Variants in GABRB3 observed in about 807,000 individuals in gnomAD.
The protein encoded by GABRB3 is gamma-aminobutyric acid type A receptor subunit beta3.
In GABRB3, 14 loss-of-function variants were observed where a neutral mutation model predicts 52.1. The observed-to-expected ratio is 0.27, with a 90% CI of 0.18 to 0.42. The LOEUF (loss-of-function observed/expected upper bound fraction) is 0.42. Ranked by LOEUF, GABRB3 falls within the 10% of genes least tolerant of loss-of-function variation. The pLI, the probability that GABRB3 is intolerant of heterozygous loss-of-function variation, is 1.00. For synonymous variants in GABRB3, 260 were observed against 232.3 expected (o/e 1.12, Z -1.08); for missense variants, 307 against 609.1 (o/e 0.50, Z 5.22).
At chr15:26,570,709 C>T (rs974417885) in intron 6 of GABRB3, among the ~76,000 whole-genome samples, 119 of 152,306 alleles carry the variant, frequency 7.8e-4, no homozygotes, top group African/African-American at 2.8e-3. Context: ...GAAGATGCGT[C>T]TTTCCTTATC....
At chr15:26,654,014 A>G (rs1887283797) in intron 3 of GABRB3, among the ~76,000 whole-genome samples, 1 of 152,250 alleles carries the variant, frequency 6.6e-6, no homozygotes, top group African/African-American at 2.4e-5. Flanking sequence ...TCCCAAATGC[A>G]AAGAACACCA....
chr15:26,695,653 G>A (rs573686762), intron 3 of GABRB3, among the ~76,000 whole-genome samples: 1 of 151,956 alleles, frequency 6.6e-6, no homozygotes, highest in South Asian at 2.1e-4. Flanking sequence ...ATAAAGAAAG[G>A]GAAAGGATTA....
At chr15:26,734,283 G>A (rs902471395) in intron 3 of GABRB3, among the ~76,000 whole-genome samples, 4 of 151,650 alleles carry the variant, frequency 2.6e-5, no homozygotes, top group East Asian at 2.0e-4. Flanking sequence ...CGCCTGCCTC[G>A]GCCTCCCAAA....
At chr15:26,665,703 G>A (rs1887689473) in intron 3 of GABRB3, among the ~76,000 whole-genome samples, 1 of 151,998 alleles carries the variant, frequency 6.6e-6, no homozygotes, top group South Asian at 2.1e-4. Flanking sequence ...ATCTTTCTGG[G>A]GCACCATTTC....
At position 26,547,202 on chromosome 15, in the gene GABRB3, C is replaced by T. The variant is rs780924559; in HGVS notation, c.*591G>A. 5.9e-4 allele frequency: 141 copies of T among 239,478 alleles called. 2 individuals carry two copies. The highest frequency in any genetic ancestry group is 8.6e-4 in the Non-Finnish European group (108 of 125,850). The allele number at this position is 239,478 out of a possible 1,614,324, so 14.8% of individuals were successfully genotyped here. A position where few individuals can be genotyped will look rare whatever the true frequency, so the allele number is the denominator to read the frequency against. On this transcript the variant is annotated 3_prime_UTR_variant, in exon 9 of 9. Transcript: ENST00000311550. ...CCAGCCACTAAACCATTGCAGAAAACGTATGCCCGATGAAAACAAACCCCA... is the reference window on the plus strand; with the variant it reads ...CCAGCCACTAAACCATTGCAGAAAATGTATGCCCGATGAAAACAAACCCCA...
intron 3 of GABRB3, among the ~76,000 whole-genome samples, chr15:26,664,636 G>A (rs1481306944): frequency 6.6e-6 from 1 of 151,088 alleles, no homozygotes; most frequent in Non-Finnish European, 1.5e-5. Context: ...CATACAGTGT[G>A]CAATGATCAA....
At chr15:26,660,878 G>A (rs138974264) in intron 3 of GABRB3, among the ~76,000 whole-genome samples, 71 of 152,222 alleles carry the variant, frequency 4.7e-4, no homozygotes, top group African/African-American at 1.4e-3. Context: ...TCGCTCTGTC[G>A]CCCAGGGTGA....
chr15:26,678,292 G>C (rs1393317414), intron 3 of GABRB3, among the ~76,000 whole-genome samples: 1 of 152,192 alleles, frequency 6.6e-6, no homozygotes, highest in Admixed American at 6.5e-5. Flanking sequence ...TGCTTAGGCT[G>C]CTGACAATTT....
intron 3 of GABRB3, among the ~76,000 whole-genome samples, chr15:26,750,408 C>G (rs190630265): frequency 6.6e-6 from 1 of 152,220 alleles, no homozygotes; most frequent in Admixed American, 6.5e-5. Context: ...AGGGTATTCC[C>G]CACTCAAACT....
At chr15:26,711,331 T>G (rs1210730505) in intron 3 of GABRB3, among the ~76,000 whole-genome samples, 2 of 152,078 alleles carry the variant, frequency 1.3e-5, no homozygotes, top group African/African-American at 4.8e-5. Context: ...GATTCCCGGG[T>G]AGACACCACC....
At chr15:26,574,831 C>A (rs1326598734) in intron 6 of GABRB3, among the ~76,000 whole-genome samples, 2 of 152,204 alleles carry the variant, frequency 1.3e-5, no homozygotes, top group African/African-American at 4.8e-5. Flanking sequence ...GACAACTCTG[C>A]AAATATACTA....
chr15:26,693,947 G>C (rs1017465648), intron 3 of GABRB3, among the ~76,000 whole-genome samples: 12 of 152,112 alleles, frequency 7.9e-5, no homozygotes, highest in African/African-American at 2.2e-4. Context: ...AGCAGGAAGA[G>C]AGGAAAAGAA....
rs541571655 is a variant in GABRB3 at position 26,584,425 on chromosome 15, CTTCT to C, written c.462-1015_462-1012del. 3.1e-3 allele frequency among the ~76,000 whole-genome samples: 472 copies of C among 152,226 alleles called. 2 individuals are homozygous for C. Among genetic ancestry groups the C allele is most frequent in the African/African-American group, 0.011 (453 of 41,546 alleles). ...TTTGGAACTCTAAACCTCACCTCTG[CTTCT>C]TTCTATTTTATTATAGTTGTCTGTT... On this transcript the variant is annotated intron_variant, in intron 4 of 8. Coordinates refer to ENST00000311550, the MANE Select transcript of GABRB3 (RefSeq NM_000814.6).
At chr15:26,697,421 G>A (rs1028692283) in intron 3 of GABRB3, among the ~76,000 whole-genome samples, 1 of 152,100 alleles carries the variant, frequency 6.6e-6, no homozygotes, top group Non-Finnish European at 1.5e-5. Context: ...TCTGTTCAAT[G>A]ACCAATGAGT....
At chr15:26,750,074 T>G (rs1890461995) in intron 3 of GABRB3, 1 of 152,242 alleles carries the variant, frequency 6.6e-6, no homozygotes, top group African/African-American at 2.4e-5. Context: ...CTATTCTCTC[T>G]TCGATTTCTT....
chr15:26,578,124 A>G (rs977090018), intron 6 of GABRB3, among the ~76,000 whole-genome samples: 18 of 152,202 alleles, frequency 1.2e-4, no homozygotes, highest in Non-Finnish European at 2.6e-4. Context: ...CTCAGGCTAG[A>G]AAGTCCTTCA....
At chr15:26,555,178 C>T (rs557798069) in intron 8 of GABRB3, among the ~76,000 whole-genome samples, 173 of 151,800 alleles carry the variant, frequency 1.1e-3, no homozygotes, top group Non-Finnish European at 2.1e-3. Context: ...AGCGAGACTC[C>T]GTCATAAAAA....
chr15:26,549,744 C>T lies in GABRB3; in HGVS notation c.1081-1610G>A, dbSNP rs188022720. On this transcript the variant is annotated intron_variant, in intron 8 of 8. Coordinates refer to ENST00000311550, the MANE Select transcript of GABRB3 (RefSeq NM_000814.6). ...ATCCAGCATCCAATCAGATTGAGCC[C>T]ATGGCAGGATGCAGTCAGACCATAC... Among the ~76,000 whole-genome samples, 6 of 152,234 alleles carry T rather than the reference C, an allele frequency of 3.9e-5. No individual in the cohort carries two copies. In the East Asian group the frequency reaches 1.2e-3, roughly 29 times the overall value.
chr15:26,689,607 G>A (rs117219440), intron 3 of GABRB3, among the ~76,000 whole-genome samples: 89 of 152,166 alleles, frequency 5.8e-4, no homozygotes, highest in South Asian at 1.0e-3. Flanking sequence ...CCCCAGAGTG[G>A]AGTTTTCAGC....
Sources: gnomAD v4.1 joint callset for allele counts (sites outside exome capture counted in the v4.1 genomes callset) on GRCh38, gnomAD v4.1.1 for gene constraint, MANE v1.5 for transcripts, NCBI Gene and HGNC (gene_info 2026-07-23, HGNC 2026-07-21) for gene names.